NFKBIB: variants seen among roughly 807,000 people sequenced by gnomAD.
NFKBIB encodes NF-kappa-B inhibitor beta.
Under a neutral mutation model 32.1 loss-of-function variants are expected in NFKBIB, and 16 were observed. The observed-to-expected ratio is 0.50, with a 90% confidence interval of 0.34 to 0.76. NFKBIB has a LOEUF of 0.76. Among genes scored for constraint, NFKBIB ranks in the 30% least tolerant of loss-of-function variants. The probability of loss-of-function intolerance (pLI) is 0.01; values close to 1 mark genes in which losing one functional copy is unlikely to be tolerated. For missense variants in NFKBIB, 437 were observed against 514.9 expected (o/e 0.85, Z 1.46); for synonymous variants, 222 against 219.5 (o/e 1.01, Z -0.10).
Position 38,908,750 on chromosome 19 carries a change from T to G in NFKBIB, c.989T>G (p.Val330Gly). The G allele has an allele frequency of 6.2e-7, 1 of 1,613,624 alleles. No homozygotes were observed. The highest frequency in any genetic ancestry group is 8.5e-7 in the Non-Finnish European group (1 of 1,179,872). ...CCCCAGGATGAATACGACGACATTG[T>G]GGTTCACAGCAGCCGCAGCCAAACC... ...GDEGDEYDDI[V>G]VHSSRSQTRL... Residue 330 changes from valine to glycine, a missense_variant, in exon 6 of 6, where the codon GTG becomes GGG. Transcript: ENST00000313582.
In NFKBIB at chr19:38,905,331, G is replaced by T. The variant is rs1292210423; in HGVS notation, c.415G>T (p.Ala139Ser). 1 of 1,610,404 alleles carries T rather than the reference G, an allele frequency of 6.2e-7. No homozygotes were observed. The highest frequency in any genetic ancestry group is 8.5e-7 in the Non-Finnish European group (1 of 1,179,038). Reference protein sequence around the residue: ...TALHLACRVGAHACARALLQP... With the variant: ...TALHLACRVGSHACARALLQP... The stretch of plus-strand genomic sequence containing the variant: ...GCTGCACCTGGCCTGCCGTGTGGGG[G>T]CACACGCCTGTGCCCGTGCCCTGCT... Residue 139 changes from alanine (A) to serine (S), a missense_variant, in exon 3 of 6, where the codon GCA (alanine) becomes TCA (serine). Ala to Ser is a moderately conservative substitution (Grantham distance 99). Transcript: ENST00000313582. This position sits in a 1 kb window ranked among gnomAD's most constrained non-coding sequence, Gnocchi z 5.5.
rs920764686 is a variant in NFKBIB, at chr19:38,900,108, C to T, written c.76C>T (p.Pro26Ser). ...WCDSGLGSLG[P>S]DAAAPGGPGL... ...CGACAGCGGCCTGGGCTCCCTGGGTCCGGACGCAGCGGCCCCCGGAGGACC... is the reference window on the plus strand; with the variant it reads ...CGACAGCGGCCTGGGCTCCCTGGGTTCGGACGCAGCGGCCCCCGGAGGACC... Residue 26 changes from proline to serine, a missense_variant, in exon 1 of 6, where the codon CCG becomes TCG. Physicochemically the swap from Pro to Ser is moderately conservative, Grantham distance 74 (BLOSUM62 -1). Coordinates refer to ENST00000313582, the MANE Select transcript of NFKBIB (RefSeq NM_002503.5). The T allele has an allele frequency of 4.5e-6, 7 of 1,572,908 alleles. No homozygotes were observed. The highest frequency in any genetic ancestry group is 6.0e-6 in the Non-Finnish European group (7 of 1,164,318).
At position 38,900,059 on chromosome 19, in the gene NFKBIB, A is replaced by C; in HGVS notation, c.27A>C (p.Lys9Asn). The C allele has an allele frequency of 6.7e-7, 1 of 1,501,150 alleles. No individual in the cohort carries two copies. Among genetic ancestry groups the C allele is most frequent in the Non-Finnish European group, 8.9e-7 (1 of 1,127,494 alleles). 93.0% of individuals were successfully genotyped at this position (1,501,150 alleles called of 1,614,324 possible). Residue 9 changes from lysine to asparagine, a missense_variant, in exon 1 of 6, where the codon AAA (lysine) becomes AAC (asparagine). Transcript: ENST00000313582. MAGVACLG[K>N]AADADEWCDS... ...TGGCTGGGGTCGCGTGCTTGGGAAA[A>C]GCTGCCGACGCAGATGAATGGTGCG...
Position 38,900,031 on chromosome 19 carries a change from C to T in NFKBIB, c.-2C>T, listed in dbSNP as rs1377326877. 17 of 1,469,026 alleles carry T rather than the reference C, an allele frequency of 1.2e-5. No homozygotes were observed. The East Asian group carries it at 4.0e-4, about 35-fold the overall frequency. 91.0% of individuals were successfully genotyped at this position (1,469,026 alleles called of 1,614,324 possible). ...CGGGGGGCCCCTGAGGCGGCGGGGG[C>T]CATGGCTGGGGTCGCGTGCTTGGGA... On this transcript the variant is annotated 5_prime_UTR_variant, in exon 1 of 6. Coordinates refer to ENST00000313582, the MANE Select transcript of NFKBIB (RefSeq NM_002503.5).
intron 5 of NFKBIB, chr19:38,908,182 C>T: frequency 1.0e-6 from 1 of 994,274 alleles, no homozygotes; most frequent in Non-Finnish European, 1.2e-6. Context: ...GGAGGAGGGC[C>T]AGCTCAGTTG....
intron 1 of NFKBIB, among the ~76,000 whole-genome samples, chr19:38,900,704 T>TA (rs1003956143): frequency 1.3e-4 from 19 of 151,986 alleles, no homozygotes; most frequent in Admixed American, 2.6e-4. Context: ...CTAATTAAAG[T>TA]AAAAAAATAG....
In NFKBIB at chr19:38,905,089, A is replaced by G. The variant is rs1974072746; in HGVS notation, c.254A>G (p.Glu85Gly). 6.2e-7 allele frequency: 1 copy of G among 1,614,182 alleles called. No individual in the cohort carries two copies. The highest frequency in any genetic ancestry group is 8.5e-7 in the Non-Finnish European group (1 of 1,180,024). The change falls in exon 2 of 6, where the codon GAG becomes GGG. Residue 85 changes from glutamate (E) to glycine (G), a missense_variant. Glu to Gly is a moderately conservative substitution (Grantham distance 98, BLOSUM62 -2). Transcript: ENST00000313582. The surrounding 1 kb of genome is among the most constrained non-coding windows in gnomAD (Gnocchi z 5.5). ...DFLLGFSAGT[E>G]YMDLQNDLGQ... ...CTTCTAGGCTTCTCGGCCGGCACTG[A>G]GTACATGGACCTGCAGAATGACCTA...
At chr19:38,900,303 C>T in intron 1 of NFKBIB, 92 bp downstream of exon 1, 1 of 1,331,670 alleles carries the variant, frequency 7.5e-7, no homozygotes, top group South Asian at 1.5e-5. Flanking sequence ...TAACCTCATA[C>T]TCCTAAATCT....
In NFKBIB at chr19:38,905,177, T is replaced by C. The variant is rs1323589200; in HGVS notation, c.286-25T>C. On this transcript the variant is annotated intron_variant, in intron 2 of 5. Transcript: ENST00000313582. This position sits in a 1 kb window ranked among gnomAD's most constrained non-coding sequence, Gnocchi z 5.5. ...GTCCAGGGTTCCCAGTGTGACTCCC[T>C]ACCGCCTGTCCTCTGCTTCTGCAGA... The C allele has an allele frequency of 1.2e-5, 19 of 1,607,950 alleles. No individual in the cohort carries two copies. Among genetic ancestry groups the C allele is most frequent in the Non-Finnish European group, 1.4e-5 (17 of 1,176,670 alleles).
intron 5 of NFKBIB, chr19:38,908,029 A>G: frequency 2.7e-6 from 3 of 1,100,326 alleles, no homozygotes; most frequent in Non-Finnish European, 2.2e-6. Flanking sequence ...TGATTTGAAC[A>G]CCGGCAGTGC....
Position 38,900,200 on chromosome 19 carries a change from G to A in NFKBIB, c.168G>A (p.Glu56=). ...WAPLVFGYVT[E]DGDTALHLAV... Reference sequence around the variant, plus strand: ...CCCTCGTCTTCGGCTACGTCACTGAGGATGGGGACACGTGAGTGAACCTTA... The same window carrying A: ...CCCTCGTCTTCGGCTACGTCACTGAAGATGGGGACACGTGAGTGAACCTTA... Residue 56 remains glutamate (E), a synonymous_variant, in exon 1 of 6, where the codon GAG becomes GAA. Coordinates refer to ENST00000313582, the MANE Select transcript of NFKBIB (RefSeq NM_002503.5). The A allele has an allele frequency of 6.2e-7, 1 of 1,602,016 alleles. No homozygotes were observed. Among genetic ancestry groups the A allele is most frequent in the South Asian group, 1.1e-5 (1 of 88,684 alleles).
upstream of NFKBIB, chr19:38,899,899 C>A (rs1018822946): frequency 1.2e-5 from 11 of 923,956 alleles, no homozygotes; most frequent in African/African-American, 3.3e-5. Context: ...GGGGTGTGAG[C>A]GATTCAGCAT....
At position 38,908,306 on chromosome 19, in the gene NFKBIB, C is replaced by T. The variant is rs988749121; in HGVS notation, c.970-425C>T. On this transcript the variant is annotated intron_variant, in intron 5 of 5. Coordinates refer to ENST00000313582, the MANE Select transcript of NFKBIB (RefSeq NM_002503.5). ...CTGTAATCCCAGCACTTTGGGAGGC[C>T]GAGGCAGGCAGATCACGAGGTCAGG... 1.5e-5 allele frequency: 15 copies of T among 974,076 alleles called. No homozygotes were observed. The South Asian group carries it at 2.3e-4, about 15-fold the overall frequency. 60.3% of individuals were successfully genotyped at this position (974,076 alleles called of 1,614,324 possible).
chr19:38,906,543 C>A (rs1974127756), intron 3 of NFKBIB, among the ~76,000 whole-genome samples: 1 of 144,702 alleles, frequency 6.9e-6, no homozygotes, highest in African/African-American at 2.6e-5. Flanking sequence ...CATCTCAGCT[C>A]ACTGCAAGCT....
chr19:38,907,582 G>T lies in NFKBIB; in HGVS notation c.892G>T (p.Ala298Ser), dbSNP rs370202411. Residue 298 changes from alanine (A) to serine (S), a missense_variant, in exon 5 of 6, where the codon GCC becomes TCC. By Grantham distance (99) the Ala-to-Ser change is moderately conservative. Transcript: ENST00000313582. Reference sequence around the variant, plus strand: ...CGCCCGCCTCCTCCGTGCACACGGAGCCCCTGAGCCCGAGGGCGAGGACGA... The same window carrying T: ...CGCCCGCCTCCTCCGTGCACACGGATCCCCTGAGCCCGAGGGCGAGGACGA... Reference protein sequence around the residue: ...ILARLLRAHGAPEPEGEDEKS... With the variant: ...ILARLLRAHGSPEPEGEDEKS... The T allele has an allele frequency of 6.2e-7, 1 of 1,612,314 alleles. No individual in the cohort carries two copies. The highest frequency in any genetic ancestry group is 1.3e-5 in the African/African-American group (1 of 74,950).
At position 38,908,443 on chromosome 19, in the gene NFKBIB, G is replaced by T. The variant is rs1413340089; in HGVS notation, c.970-288G>T. ...AATCCCAGCTACTTGGGAGGCTGAGGTAGGAGAATTGCTTGAACCTGGGAG... is the reference window on the plus strand; with the variant it reads ...AATCCCAGCTACTTGGGAGGCTGAGTTAGGAGAATTGCTTGAACCTGGGAG... On this transcript the variant is annotated intron_variant, in intron 5 of 5. Transcript: ENST00000313582. 4 of 904,118 alleles carry T rather than the reference G, an allele frequency of 4.4e-6. No homozygotes were observed. In the African/African-American group the frequency reaches 7.0e-5, roughly 16 times the overall value. The allele number at this position is 904,118 out of a possible 1,614,324, so 56.0% of individuals were successfully genotyped here. A position where few individuals can be genotyped will look rare whatever the true frequency, so the allele number is the denominator to read the frequency against.
intron 1 of NFKBIB, among the ~76,000 whole-genome samples, chr19:38,902,358 C>T (rs915798385): frequency 6.6e-6 from 1 of 152,046 alleles, no homozygotes; most frequent in Non-Finnish European, 1.5e-5. Context: ...GCGTGAGCCA[C>T]CGCGCCCGGC....
chr19:38,905,477 G>A lies in NFKBIB; in HGVS notation c.561G>A (p.Lys187=). ...TGTACCCCGATTCCGACTTGGAGAA[G>A]GAAGAAGAGGAGAGTGAGGAGGACT... ...VALYPDSDLE[K]EEEESEEDWK... is the part of the protein sequence containing the mutation. The change falls in exon 3 of 6, where the codon AAG becomes AAA. Residue 187 remains lysine, a synonymous_variant. Transcript: ENST00000313582. This position sits in a 1 kb window ranked among gnomAD's most constrained non-coding sequence, Gnocchi z 5.5. 6.2e-7 allele frequency: 1 copy of A among 1,613,860 alleles called. No homozygotes were observed. Among genetic ancestry groups the A allele is most frequent in the Non-Finnish European group, 8.5e-7 (1 of 1,179,880 alleles).
intron 1 of NFKBIB, among the ~76,000 whole-genome samples, chr19:38,902,647 T>C (rs183688961): frequency 2.2e-3 from 330 of 152,052 alleles, no homozygotes; most frequent in Middle Eastern, 0.01. Flanking sequence ...TAATATTATA[T>C]GGCAAGTGAA....
Sources: gnomAD v4.1 joint callset for allele counts (sites outside exome capture counted in the v4.1 genomes callset) on GRCh38, gnomAD v4.1.1 for gene constraint, Gnocchi (gnomAD v3.1) non-coding constraint, MANE v1.5 for transcripts, NCBI Gene and HGNC (gene_info 2026-07-23, HGNC 2026-07-21) for gene names.